Variants in ARHGEF10 observed in about 807,000 individuals in gnomAD.
The protein encoded by ARHGEF10 is Rho guanine nucleotide exchange factor 10.
A neutral mutation model predicts 147.4 loss-of-function variants in ARHGEF10; 140 were observed. That is an observed-to-expected ratio of 0.95 (90% CI 0.83 to 1.09). The LOEUF is 1.09. ARHGEF10 is among the 50% of genes least tolerant of loss of function. The pLI is 0.00. For missense variants in ARHGEF10, 2,222 were observed against 1,752.7 expected, an observed-to-expected ratio of 1.27 and a Z score of -4.78; for synonymous variants, 902 against 695.8, an observed-to-expected ratio of 1.30 and a Z score of -4.67.
Position 1,923,038 on chromosome 8 carries a change from C to G in ARHGEF10, c.2218C>G (p.Gln740Glu), listed in dbSNP as rs1282089731. The change falls in exon 19 of 29, where the codon CAA becomes GAA. Residue 740 changes from glutamine to glutamate, a missense_variant. By Grantham distance (29) the Gln-to-Glu change is conservative. Coordinates refer to ENST00000349830, the MANE Select transcript of ARHGEF10 (RefSeq NM_014629.4). ...GTTGCATGACTTAAATGTAATTGGCCAAATCACTCAGCTGATAGGAAACCT... is the reference window on the plus strand; with the variant it reads ...GTTGCATGACTTAAATGTAATTGGCGAAATCACTCAGCTGATAGGAAACCT... ...NLLHDLNVIG[Q>E]ITQLIGNLKG... The G allele has an allele frequency of 1.2e-6, 2 of 1,613,256 alleles. No homozygotes were observed. The highest frequency in any genetic ancestry group is 1.3e-5 in the African/African-American group (1 of 74,952).
intron 13 of ARHGEF10, 82 bp downstream of exon 13, chr8:1,894,654 C>G: frequency 2.0e-6 from 3 of 1,490,950 alleles, no homozygotes; most frequent in Non-Finnish European, 2.8e-6. Flanking sequence ...GATGTTTTGC[C>G]CCTGATCTCC....
At chr8:1,889,488 G>A (rs1390604052) in intron 11 of ARHGEF10, among the ~76,000 whole-genome samples, 4 of 72,222 alleles carry the variant, frequency 5.5e-5, no homozygotes, top group African/African-American at 1.6e-4. Flanking sequence ...TGAGTGGGGT[G>A]AGGGGTCTGT....
intron 1 of ARHGEF10, among the ~76,000 whole-genome samples, chr8:1,835,449 C>T (rs1441936920): frequency 6.6e-5 from 10 of 152,018 alleles, no homozygotes; most frequent in Admixed American, 6.6e-5. Flanking sequence ...CCGGCACAGG[C>T]TTCAGCCCTG....
Position 1,929,402 on chromosome 8 carries a change from G to A in ARHGEF10, c.3038G>A (p.Gly1013Asp). The change falls in exon 25 of 29, where the codon GGC becomes GAC. Residue 1013 changes from glycine (G) to aspartate (D), a missense_variant. Coordinates refer to ENST00000349830, the MANE Select transcript of ARHGEF10 (RefSeq NM_014629.4). Reference sequence around the variant, plus strand: ...TGCACGTCTCAGAGCCTGTACGCTGGCCTGGTCAACGGGGCAGTCGCCAGC... The same window carrying A: ...TGCACGTCTCAGAGCCTGTACGCTGACCTGGTCAACGGGGCAGTCGCCAGC... Reference protein sequence around the residue: ...LACTSQSLYAGLVNGAVASYA... With the variant: ...LACTSQSLYADLVNGAVASYA... The A allele has an allele frequency of 6.2e-7, 1 of 1,612,620 alleles. No homozygotes were observed. Among genetic ancestry groups the A allele is most frequent in the Non-Finnish European group, 8.5e-7 (1 of 1,179,718 alleles).
At chr8:1,827,979 C>T (rs1349548695) in intron 1 of ARHGEF10, among the ~76,000 whole-genome samples, 2 of 152,324 alleles carry the variant, frequency 1.3e-5, no homozygotes, top group African/African-American at 4.8e-5. Context: ...GCTGCATCAG[C>T]ATTGGCTAGT....
chr8:1,862,868 TC>T (rs1168033147), intron 4 of ARHGEF10, among the ~76,000 whole-genome samples: 1 of 145,406 alleles, frequency 6.9e-6, no homozygotes, highest in Non-Finnish European at 1.5e-5. Flanking sequence ...AAGCTCCGCC[TC>T]CCGGGTTCAC....
At chr8:1,935,992 C>CGT (rs1401152236) in intron 26 of ARHGEF10, among the ~76,000 whole-genome samples, 7 of 152,074 alleles carry the variant, frequency 4.6e-5, no homozygotes, top group South Asian at 2.1e-4. Flanking sequence ...GACGTGCCAG[C>CGT]GTGTGTGTGT....
chr8:1,835,152 G>T (rs1016964950), intron 1 of ARHGEF10, among the ~76,000 whole-genome samples: 10 of 152,222 alleles, frequency 6.6e-5, no homozygotes, highest in African/African-American at 2.4e-4. Context: ...TCAGCCTGCC[G>T]CCCCCACCTT....
At chr8:1,843,832 T>G (rs1233083153) in intron 2 of ARHGEF10, among the ~76,000 whole-genome samples, 1 of 152,158 alleles carries the variant, frequency 6.6e-6, no homozygotes, top group Non-Finnish European at 1.5e-5. Flanking sequence ...TCGCCCAGTT[T>G]CCTTTTCTGC....
At chr8:1,947,347 G>A (rs1291980600) in intron 27 of ARHGEF10, among the ~76,000 whole-genome samples, 2 of 152,156 alleles carry the variant, frequency 1.3e-5, no homozygotes, top group South Asian at 2.1e-4. Flanking sequence ...AGCAGCCCAC[G>A]GTTACCCTGG....
intron 18 of ARHGEF10, among the ~76,000 whole-genome samples, chr8:1,917,180 G>T (rs1282496814): frequency 6.6e-6 from 1 of 152,158 alleles, no homozygotes; most frequent in Non-Finnish European, 1.5e-5. Context: ...TAGAACATTT[G>T]TATCCTCTTT....
At chr8:1,908,827 A>G (rs1041096258) in intron 17 of ARHGEF10, among the ~76,000 whole-genome samples, 4 of 152,212 alleles carry the variant, frequency 2.6e-5, no homozygotes, top group Admixed American at 6.5e-5. Context: ...TACTTGATAA[A>G]TATTTTAGTC....
chr8:1,878,891 G>A (rs1034410761), intron 8 of ARHGEF10, among the ~76,000 whole-genome samples: 1 of 152,240 alleles, frequency 6.6e-6, no homozygotes, highest in East Asian at 1.9e-4. Flanking sequence ...ACCCGGGAGC[G>A]CTGGGCTCTG....
intron 7 of ARHGEF10, 98 bp from the exon 8 acceptor site, chr8:1,876,473 C>CCCCA: frequency 7.9e-7 from 1 of 1,267,226 alleles, no homozygotes; most frequent in Non-Finnish European, 1.2e-6. Context: ...TTCCTTCCAC[C>CCCCA]CCCAGCTCTA....
At chr8:1,920,518 T>G (rs1489390414) in intron 18 of ARHGEF10, among the ~76,000 whole-genome samples, 2 of 151,926 alleles carry the variant, frequency 1.3e-5, no homozygotes, top group African/African-American at 4.8e-5. Context: ...TGTTTTTGGT[T>G]TTTAAAACTA....
intron 25 of ARHGEF10, among the ~76,000 whole-genome samples, chr8:1,933,397 T>A (rs1273935536): frequency 1.3e-5 from 2 of 152,162 alleles, no homozygotes; most frequent in African/African-American, 2.4e-5. Flanking sequence ...GTGTGCTGGG[T>A]ACTGTGCTGA....
intron 1 of ARHGEF10, among the ~76,000 whole-genome samples, chr8:1,841,336 C>T (rs1439130329): frequency 3.9e-5 from 6 of 152,330 alleles, no homozygotes; most frequent in East Asian, 3.9e-4. Context: ...ATTCAGGCTG[C>T]CCTGAACGCA....
At chr8:1,876,128 C>G (rs935880234) in intron 7 of ARHGEF10, 2 of 206,076 alleles carry the variant, frequency 9.7e-6, no homozygotes, top group South Asian at 1.9e-4. Flanking sequence ...ATCCATCCAC[C>G]TACCCATATT....
intron 2 of ARHGEF10, among the ~76,000 whole-genome samples, chr8:1,847,117 C>G (rs933311699): frequency 1.3e-5 from 2 of 152,104 alleles, no homozygotes; most frequent in African/African-American, 4.8e-5. Context: ...CAGGTCATCA[C>G]AAGGGGAAGT....
Sources: allele counts gnomAD v4.1 joint callset (sites outside exome capture counted in the v4.1 genomes callset), GRCh38; gene constraint gnomAD v4.1.1; transcripts MANE v1.5; gene names NCBI Gene and HGNC (gene_info 2026-07-23, HGNC 2026-07-21).